The following AHCYL2 variants were observed in gnomAD, a reference collection of about 807,000 sequenced individuals.
AHCYL2 encodes the protein adenosylhomocysteinase like 2.
A neutral mutation model predicts 81.4 loss-of-function variants in AHCYL2; 28 were observed. That is an observed-to-expected ratio of 0.34 (90% CI 0.25 to 0.47). The LOEUF is 0.47. Ranked by LOEUF, AHCYL2 falls within the 20% of genes least tolerant of loss-of-function variation. AHCYL2 has a pLI of 1.00. For missense variants in AHCYL2, 551 were observed against 785.1 expected, an observed-to-expected ratio of 0.70 and a Z score of 3.56; for synonymous variants, 272 against 290.2, an observed-to-expected ratio of 0.94 and a Z score of 0.64.
intron 1 of AHCYL2, among the ~76,000 whole-genome samples, chr7:129,235,685 A>G (rs1031644956): frequency 3.3e-5 from 5 of 152,182 alleles, no homozygotes; most frequent in Non-Finnish European, 5.9e-5. Flanking sequence ...AGCTTTCCAA[A>G]GTGAGTTTTA....
chr7:129,245,869 A>C (rs571455361), intron 1 of AHCYL2, among the ~76,000 whole-genome samples: 108 of 152,346 alleles, frequency 7.1e-4, no homozygotes, highest in African/African-American at 2.4e-3. Context: ...GTATACCCAG[A>C]AATGGAATTG....
intron 5 of AHCYL2, 78 bp from the exon 6 acceptor site, chr7:129,400,212 C>T: frequency 7.7e-7 from 1 of 1,306,584 alleles, no homozygotes; most frequent in Non-Finnish European, 1.1e-6. Flanking sequence ...TTAGGAAAAA[C>T]CAGAATCTTC....
At chr7:129,349,340 G>C (rs2150827247) in intron 1 of AHCYL2, among the ~76,000 whole-genome samples, 1 of 151,812 alleles carries the variant, frequency 6.6e-6, no homozygotes, top group African/African-American at 2.4e-5. Context: ...ACAAATATAA[G>C]AACTTATGTC....
Position 129,414,718 on chromosome 7 carries a change from C to T in AHCYL2, c.1461+1030C>T, listed in dbSNP as rs142073820. Among the ~76,000 whole-genome samples, 1,186 of 152,236 alleles carry T rather than the reference C, an allele frequency of 7.8e-3. 20 individuals carry two copies. Among genetic ancestry groups the T allele is most frequent in the African/African-American group, 0.027 (1,130 of 41,544 alleles). On this transcript the variant is annotated intron_variant, in intron 12 of 16. Transcript: ENST00000325006. ...ACAGGCATGAGCCACCACACCCAGC[C>T]AAGTGTTGTTTATTTCTTTTCAGAC...
chr7:129,261,114 A>G (rs916026413), intron 1 of AHCYL2, among the ~76,000 whole-genome samples: 1 of 152,150 alleles, frequency 6.6e-6, no homozygotes, highest in Non-Finnish European at 1.5e-5. Flanking sequence ...TATTCGCTGT[A>G]TACTTCTAAA....
chr7:129,234,156 A>G (rs766331578), intron 1 of AHCYL2, among the ~76,000 whole-genome samples: 11 of 151,248 alleles, frequency 7.3e-5, no homozygotes, highest in Non-Finnish European at 1.6e-4. Flanking sequence ...GCTCAATAGA[A>G]CCTCCCTTCT....
intron 1 of AHCYL2, among the ~76,000 whole-genome samples, chr7:129,271,513 T>G (rs1796016772): frequency 6.6e-6 from 1 of 152,164 alleles, no homozygotes. Flanking sequence ...ATGAATAAAT[T>G]GCTGCTATGC....
Position 129,227,928 on chromosome 7 carries a change from G to A in AHCYL2, c.363+2489G>A, listed in dbSNP as rs145318855. ...AGGGCATTGCTGAGCTGCTTTTCAG[G>A]TGCCCAATCTTTAACCTTCTTGATA... On this transcript the variant is annotated intron_variant, in intron 1 of 16. Transcript: ENST00000325006. Among the ~76,000 whole-genome samples the A allele has an allele frequency of 7.4e-4, 112 of 152,308 alleles. 1 individual carries two copies. Among genetic ancestry groups the A allele is most frequent in the African/African-American group, 2.6e-3 (109 of 41,552 alleles).
Position 129,368,627 on chromosome 7 carries a change from G to A in AHCYL2, c.364-11011G>A, listed in dbSNP as rs1472349343. ...GCAACCATTTCTGACGGGTGACAAG[G>A]ATCACCTCTGAGAAGCTCCTACCAA... is the stretch of plus-strand genomic sequence containing the variant. On this transcript the variant is annotated intron_variant, in intron 1 of 16. Coordinates refer to ENST00000325006, the MANE Select transcript of AHCYL2 (RefSeq NM_015328.4). The surrounding 1 kb of genome is among the most constrained non-coding windows in gnomAD (Gnocchi z 4.4). 3 of 1,547,224 alleles carry A rather than the reference G, an allele frequency of 1.9e-6. No homozygotes were observed. In the African/African-American group the frequency reaches 4.1e-5, roughly 21 times the overall value.
At chr7:129,351,034 A>G (rs1793545866) in intron 1 of AHCYL2, among the ~76,000 whole-genome samples, 1 of 152,138 alleles carries the variant, frequency 6.6e-6, no homozygotes, top group South Asian at 2.1e-4. Flanking sequence ...AAAGCAAACA[A>G]TTCATCCTTA....
At position 129,407,429 on chromosome 7, in the gene AHCYL2, T is replaced by A. The variant is rs73234755; in HGVS notation, c.1295+963T>A. Among the ~76,000 whole-genome samples the A allele has an allele frequency of 4.0e-3, 602 of 152,266 alleles. 3 individuals are homozygous for A. Among genetic ancestry groups the A allele is most frequent in the Middle Eastern group, 6.8e-3 (2 of 294 alleles). ...AAGGTACAGAGCTGCTGCCACATAA[T>A]ATATGCTCATTAAATAATAGCTGTT... is the stretch of plus-strand genomic sequence containing the variant. On this transcript the variant is annotated intron_variant, in intron 10 of 16. Transcript: ENST00000325006.
At chr7:129,254,171 T>A (rs1302791330) in intron 1 of AHCYL2, among the ~76,000 whole-genome samples, 1 of 152,122 alleles carries the variant, frequency 6.6e-6, no homozygotes, top group Admixed American at 6.6e-5. Context: ...GAAGAAAGGA[T>A]CAAGAAATAG....
chr7:129,276,558 C>T (rs542821763), intron 1 of AHCYL2, among the ~76,000 whole-genome samples: 8 of 151,650 alleles, frequency 5.3e-5, no homozygotes, highest in Non-Finnish European at 1.0e-4. Flanking sequence ...CAAGACCAGC[C>T]TGGCCAACAT....
At chr7:129,326,222 C>T (rs1012465030) in intron 1 of AHCYL2, among the ~76,000 whole-genome samples, 1 of 151,706 alleles carries the variant, frequency 6.6e-6, no homozygotes. Context: ...ATTTTTGTAT[C>T]ACATAAAAAA....
At chr7:129,397,856 C>A (rs1007066039) in intron 5 of AHCYL2, among the ~76,000 whole-genome samples, 1 of 152,206 alleles carries the variant, frequency 6.6e-6, no homozygotes, top group Non-Finnish European at 1.5e-5. Flanking sequence ...GGCAGTACAG[C>A]TAGCACTCTC....
At chr7:129,409,630 A>C in intron 11 of AHCYL2, 84 bp downstream of exon 11, 1 of 1,174,414 alleles carries the variant, frequency 8.5e-7, no homozygotes, top group Non-Finnish European at 1.2e-6. Flanking sequence ...TATTCTGAAA[A>C]ACCAAACTCT....
chr7:129,249,747 G>A (rs1010111877), intron 1 of AHCYL2, among the ~76,000 whole-genome samples: 13 of 151,974 alleles, frequency 8.6e-5, no homozygotes, highest in South Asian at 2.1e-4. Flanking sequence ...TCTTTTCCCC[G>A]GTCCCCCAGC....
chr7:129,238,201 C>T (rs543996591), intron 1 of AHCYL2, among the ~76,000 whole-genome samples: 1 of 152,240 alleles, frequency 6.6e-6, no homozygotes, highest in Admixed American at 6.5e-5. Context: ...TTCAACAAAG[C>T]TTTATTGGAT....
chr7:129,377,642 C>A (rs1170156949), intron 1 of AHCYL2: 1 of 456,308 alleles, frequency 2.2e-6, no homozygotes, highest in East Asian at 6.9e-5. Context: ...ACTTGTCAGA[C>A]CTTTGATCAT....
Sources: allele counts gnomAD v4.1 joint callset (sites outside exome capture counted in the v4.1 genomes callset), GRCh38; gene constraint gnomAD v4.1.1; non-coding constraint Gnocchi (gnomAD v3.1); transcripts MANE v1.5; gene names NCBI Gene and HGNC (gene_info 2026-07-23, HGNC 2026-07-21).